Variants in NUP93 observed in about 807,000 individuals in gnomAD.
NUP93 encodes nucleoporin 93.
A neutral mutation model predicts 107.8 loss-of-function variants in NUP93; 55 were observed. That is an observed-to-expected ratio of 0.51 (90% CI 0.41 to 0.64). NUP93 has a LOEUF of 0.64. Among genes scored for constraint, NUP93 ranks in the 30% least tolerant of loss-of-function variants. NUP93 has a pLI of 0.00. For synonymous variants in NUP93, 390 were observed against 397.5 expected (o/e 0.98, Z 0.22); for missense variants, 937 against 1,044.7 (o/e 0.90, Z 1.42).
chr16:56,832,497 A>G (rs1963816566), intron 12 of NUP93, 109 bp downstream of exon 12: 1 of 788,158 alleles, frequency 1.3e-6, no homozygotes, highest in Admixed American at 2.1e-5. Context: ...CTTTCTTCCA[A>G]AACTCCTATA....
chr16:56,831,899 C>T lies in NUP93; in HGVS notation c.1143C>T (p.Asn381=). Residue 381 remains asparagine (N), a synonymous_variant, in exon 11 of 22, where the codon AAC becomes AAT. Transcript: ENST00000308159. ...TGCATTACCGTAGGGCCCTCAGGAA[C>T]AATACAGATCCCTACAAGCGGGCCG... is the stretch of plus-strand genomic sequence containing the variant. The part of the protein sequence containing the change: ...LRLHYRRALR[N]NTDPYKRAVY... 5 of 1,614,098 alleles carry T rather than the reference C, an allele frequency of 3.1e-6. No individual in the cohort carries two copies. The highest frequency in any genetic ancestry group is 4.2e-6 in the Non-Finnish European group (5 of 1,180,034).
At chr16:56,788,033 C>G (rs1962667278) in intron 3 of NUP93, among the ~76,000 whole-genome samples, 2 of 152,224 alleles carry the variant, frequency 1.3e-5, no homozygotes, top group South Asian at 4.1e-4. Flanking sequence ...CAAATCCTCT[C>G]TTTTCTTGCG....
At chr16:56,788,761 C>G (rs72786713) in intron 3 of NUP93, among the ~76,000 whole-genome samples, 5,371 of 152,224 alleles carry the variant, frequency 0.035, 146 homozygotes, top group Non-Finnish European at 0.05. Context: ...GCTAAGCAGC[C>G]CTAGCTTGAT....
chr16:56,759,512 A>G (rs1210785253), intron 3 of NUP93, among the ~76,000 whole-genome samples: 2 of 152,192 alleles, frequency 1.3e-5, no homozygotes, highest in African/African-American at 2.4e-5. Flanking sequence ...TCAGAAACCT[A>G]AAACTACTTT....
intron 1 of NUP93, among the ~76,000 whole-genome samples, chr16:56,732,030 C>T (rs143230938): frequency 9.0e-4 from 137 of 152,314 alleles, no homozygotes; most frequent in African/African-American, 3.2e-3. Flanking sequence ...CCCTCCCTTT[C>T]CAAACGTCAG....
rs1161606833 is a variant in NUP93 at position 56,833,341 on chromosome 16, A to G, written c.1472A>G (p.His491Arg). ...RMERLRCHAVHVALVLFELKL... is the reference protein window; with the variant it reads ...RMERLRCHAVRVALVLFELKL... ...GAGCGGCTGCGCTGCCATGCTGTCC[A>G]TGTAGCACTGGTGCTGTTTGAGCTG... Residue 491 changes from histidine to arginine, a missense_variant, in exon 13 of 22, where the codon CAT (histidine) becomes CGT (arginine). His to Arg is a conservative substitution (Grantham distance 29). Coordinates refer to ENST00000308159, the MANE Select transcript of NUP93 (RefSeq NM_014669.5). 12 of 1,599,854 alleles carry G rather than the reference A, an allele frequency of 7.5e-6. No individual in the cohort carries two copies. The highest frequency in any genetic ancestry group is 9.4e-6 in the Non-Finnish European group (11 of 1,175,066).
intron 3 of NUP93, among the ~76,000 whole-genome samples, chr16:56,773,643 C>A (rs891637925): frequency 6.6e-6 from 1 of 152,208 alleles, no homozygotes; most frequent in Non-Finnish European, 1.5e-5. Context: ...TCAGGCTCCC[C>A]GCAGACCTAT....
At chr16:56,782,213 A>G (rs1596795116) in intron 3 of NUP93, 2 of 985,340 alleles carry the variant, frequency 2.0e-6, no homozygotes, top group East Asian at 1.1e-4. Context: ...TAAGAGCTGC[A>G]GGTAGGATTG....
intron 8 of NUP93, among the ~76,000 whole-genome samples, chr16:56,825,021 T>C (rs1438644254): frequency 6.6e-6 from 1 of 152,094 alleles, no homozygotes. Context: ...GTCAGCAAAA[T>C]GAGTCAGAAT....
chr16:56,809,841 A>T (rs1239331209), intron 5 of NUP93, among the ~76,000 whole-genome samples: 1 of 152,200 alleles, frequency 6.6e-6, no homozygotes, highest in Non-Finnish European at 1.5e-5. Flanking sequence ...CTTATTTCTT[A>T]GACCTAAAGA....
intron 8 of NUP93, 86 bp from the exon 9 acceptor site, chr16:56,828,891 T>C (rs1163952964): frequency 8.5e-6 from 12 of 1,403,722 alleles, no homozygotes; most frequent in Non-Finnish European, 9.9e-6. Context: ...CCTTCCAAGC[T>C]ACAGTGTAAT....
intron 3 of NUP93, among the ~76,000 whole-genome samples, chr16:56,785,408 C>T (rs1478979016): frequency 6.6e-6 from 1 of 152,194 alleles, no homozygotes; most frequent in Non-Finnish European, 1.5e-5. Context: ...GGAAGAGCCT[C>T]TCCTTTCTGG....
At chr16:56,739,527 ACC>A (rs1185216992) in intron 1 of NUP93, among the ~76,000 whole-genome samples, 1 of 38,640 alleles carries the variant, frequency 2.6e-5, no homozygotes, top group Admixed American at 2.7e-4. Flanking sequence ...GGGGGGGCTG[ACC>A]CCCCCCCACC....
intron 5 of NUP93, among the ~76,000 whole-genome samples, chr16:56,811,516 T>C (rs1282578919): frequency 6.7e-6 from 1 of 148,734 alleles, no homozygotes; most frequent in Non-Finnish European, 1.5e-5. Flanking sequence ...ATTTTGTTTT[T>C]GTTTTTTTTT....
chr16:56,765,226 TAA>T (rs566816563), intron 3 of NUP93, among the ~76,000 whole-genome samples: 1 of 152,230 alleles, frequency 6.6e-6, no homozygotes, highest in Admixed American at 6.5e-5. Flanking sequence ...TATAAAAATA[TAA>T]GAGACTATTC....
At chr16:56,827,226 T>A (rs1463040025) in intron 8 of NUP93, among the ~76,000 whole-genome samples, 1 of 152,118 alleles carries the variant, frequency 6.6e-6, no homozygotes, top group Non-Finnish European at 1.5e-5. Context: ...AACCACATAT[T>A]TGGGTATCTG....
intron 3 of NUP93, among the ~76,000 whole-genome samples, chr16:56,780,362 T>C (rs1279666921): frequency 1.3e-5 from 2 of 152,222 alleles, no homozygotes; most frequent in African/African-American, 2.4e-5. Flanking sequence ...TTTGGTGTTA[T>C]CACAATGAAT....
rs751953161 is a variant in NUP93 at position 56,805,510 on chromosome 16, G to C, written c.367G>C (p.Gly123Arg). ...AIEESRKRTF[G>R]MAEEYHRESM... ...CTCTGTTCCTTTCTGGCAGACCTTC[G>C]GCATGGCTGAGGAGTACCATCGGGA... Residue 123 changes from glycine (G) to arginine (R), a missense_variant, in exon 5 of 22, where the codon GGC becomes CGC. Transcript: ENST00000308159. The C allele has an allele frequency of 4.3e-6, 7 of 1,613,564 alleles. 1 individual carries two copies. The South Asian group carries it at 7.7e-5, about 18-fold the overall frequency.
chr16:56,834,704 T>A, intron 15 of NUP93, 30 bp from the exon 16 acceptor site: 1 of 1,594,594 alleles, frequency 6.3e-7, no homozygotes, highest in Non-Finnish European at 8.6e-7. Flanking sequence ...CTTTGTCCAA[T>A]AATTTGAGTA....
Sources: allele counts gnomAD v4.1 joint callset (sites outside exome capture counted in the v4.1 genomes callset), GRCh38; gene constraint gnomAD v4.1.1; transcripts MANE v1.5; gene names NCBI Gene and HGNC (gene_info 2026-07-23, HGNC 2026-07-21).